The following TOGARAM1 variants were observed in gnomAD, a reference collection of about 807,000 sequenced individuals.
The protein encoded by TOGARAM1 is TOG array regulator of axonemal microtubules 1, also known as TOG array regulator of axonemal microtubules protein 1.
TOGARAM1 carries 100 observed loss-of-function variants against 166.6 expected under a neutral mutation model. The observed-to-expected ratio is 0.60, with a 90% CI of 0.51 to 0.71. The LOEUF (loss-of-function observed/expected upper bound fraction) is 0.71, where lower values mean the gene tolerates loss of function less well. TOGARAM1 is among the 30% of genes least tolerant of loss of function. The probability of loss-of-function intolerance (pLI) is 0.00; values close to 1 mark genes in which losing one functional copy is unlikely to be tolerated. For synonymous variants in TOGARAM1, 758 were observed against 763.8 expected (o/e 0.99, Z 0.13); for missense variants, 2,029 against 2,102.7 (o/e 0.96, Z 0.69).
Position 45,043,741 on chromosome 14 carries a change from G to A in TOGARAM1, c.3868G>A (p.Glu1290Lys), listed in dbSNP as rs1439816772. ...TAGATGCTTAGCTGCTTTTCATTCT[G>A]AGATACTGAACACAAAGTTGCATGA... ...FIRCLAAFHS[E>K]ILNTKLHETN... Residue 1290 changes from glutamate to lysine, a missense_variant, in exon 12 of 20, where the codon GAG becomes AAG. Around this residue, in one of 2 missense-constraint regions of TOGARAM1, gnomAD observed 576 missense variants for 670.5 expected, o/e 0.86. Coordinates refer to ENST00000361462, the MANE Select transcript of TOGARAM1 (RefSeq NM_001308120.2). 6.2e-7 allele frequency: 1 copy of A among 1,613,532 alleles called. No individual in the cohort carries two copies. Among genetic ancestry groups the A allele is most frequent in the Admixed American group, 1.7e-5 (1 of 59,990 alleles).
intron 1 of TOGARAM1, among the ~76,000 whole-genome samples, chr14:44,971,804 C>CT (rs1885899163): frequency 6.6e-6 from 1 of 152,098 alleles, no homozygotes; most frequent in Admixed American, 6.6e-5. Flanking sequence ...TTGTATGTAA[C>CT]TTAGAAGTGT....
chr14:45,005,892 C>G (rs1887928990), intron 4 of TOGARAM1, 116 bp from the exon 5 acceptor site: 2 of 777,644 alleles, frequency 2.6e-6, no homozygotes, highest in East Asian at 5.5e-5. Context: ...TCCCCAGTGA[C>G]CAGCTATAAT....
chr14:45,008,540 A>G (rs547906539), intron 5 of TOGARAM1, among the ~76,000 whole-genome samples: 1 of 152,312 alleles, frequency 6.6e-6, no homozygotes, highest in Non-Finnish European at 1.5e-5. Flanking sequence ...TCTAAGCCAC[A>G]TTAGCACACC....
intron 14 of TOGARAM1, among the ~76,000 whole-genome samples, chr14:45,051,870 C>T (rs1882386944): frequency 6.6e-6 from 1 of 151,992 alleles, no homozygotes; most frequent in East Asian, 1.9e-4. Context: ...ACAGATGCTT[C>T]TTAACTTACA....
intron 1 of TOGARAM1, among the ~76,000 whole-genome samples, chr14:44,974,148 T>C (rs1436320670): frequency 6.6e-6 from 1 of 151,994 alleles, no homozygotes; most frequent in Non-Finnish European, 1.5e-5. Flanking sequence ...ATTATACATA[T>C]GTTACACGTT....
chr14:45,032,661 A>G (rs1371060007), intron 11 of TOGARAM1, among the ~76,000 whole-genome samples: 2 of 152,212 alleles, frequency 1.3e-5, no homozygotes, highest in African/African-American at 2.4e-5. Flanking sequence ...ACCATTTCTC[A>G]AAGTATTTCT....
chr14:45,010,153 A>C (rs566990953), intron 6 of TOGARAM1, among the ~76,000 whole-genome samples: 1 of 152,100 alleles, frequency 6.6e-6, no homozygotes, highest in East Asian at 1.9e-4. Context: ...AGATTGCATA[A>C]TCAAAGGAGA....
At chr14:44,976,050 A>G (rs917149454) in intron 1 of TOGARAM1, among the ~76,000 whole-genome samples, 1 of 152,074 alleles carries the variant, frequency 6.6e-6, no homozygotes, top group Admixed American at 6.6e-5. Flanking sequence ...AACTATACTG[A>G]TTTCAGAATT....
intron 14 of TOGARAM1, among the ~76,000 whole-genome samples, chr14:45,047,112 C>T (rs999709586): frequency 2.2e-4 from 33 of 152,196 alleles, no homozygotes; most frequent in South Asian, 6.2e-4. Flanking sequence ...AGGAATAAGG[C>T]GGGTCGTGGT....
chr14:45,059,021 T>C (rs1323480236), intron 16 of TOGARAM1, among the ~76,000 whole-genome samples: 1 of 152,198 alleles, frequency 6.6e-6, no homozygotes, highest in Non-Finnish European at 1.5e-5. Context: ...GATGACAAAG[T>C]CTATTAACAT....
chr14:44,962,602 C>T lies in TOGARAM1; in HGVS notation c.181C>T (p.Pro61Ser). ...AGCTGCGGGGGACCACGGTTCCTGC[C>T]CCACTACAACTTCGCCTCTGGCCTC... ...RGAAGDHGSC[P>S]TTTSPLASAL... Residue 61 changes from proline to serine, a missense_variant, in exon 1 of 20, where the codon CCC (proline) becomes TCC (serine). Coordinates refer to ENST00000361462, the MANE Select transcript of TOGARAM1 (RefSeq NM_001308120.2). The T allele has an allele frequency of 6.2e-7, 1 of 1,613,588 alleles. No individual in the cohort carries two copies. The highest frequency in any genetic ancestry group is 1.1e-5 in the South Asian group (1 of 91,026).
intron 7 of TOGARAM1, among the ~76,000 whole-genome samples, chr14:45,025,282 G>T (rs1233911062): frequency 6.6e-6 from 1 of 152,040 alleles, no homozygotes; most frequent in African/African-American, 2.4e-5. Context: ...AGGAAAGGAA[G>T]GGGCCAGGCA....
Position 45,062,311 on chromosome 14 carries a change from A to G in TOGARAM1, c.4560-4267A>G, listed in dbSNP as rs563124141. 7.9e-5 allele frequency among the ~76,000 whole-genome samples: 12 copies of G among 152,176 alleles called. No individual in the cohort carries two copies. The East Asian group carries it at 2.3e-3, about 29-fold the overall frequency. ...TTTTGATCCACTGTGATTACGTTTA[A>G]ATACATTGAGGATAGTTGTGATTTC... On this transcript the variant is annotated intron_variant, in intron 16 of 19. Transcript: ENST00000361462.
intron 18 of TOGARAM1, among the ~76,000 whole-genome samples, chr14:45,069,184 T>G (rs1340031539): frequency 4.0e-5 from 6 of 151,812 alleles, no homozygotes; most frequent in Admixed American, 1.3e-4. Context: ...TCCTGGCTAA[T>G]ATAGTGAAAC....
At chr14:45,067,022 C>G (rs1171544344) in intron 17 of TOGARAM1, among the ~76,000 whole-genome samples, 2 of 152,218 alleles carry the variant, frequency 1.3e-5, no homozygotes, top group East Asian at 1.9e-4. Flanking sequence ...TACCTTCTCT[C>G]TATATCTATA....
chr14:45,066,793 A>G (rs1883159523), intron 17 of TOGARAM1, 26 bp downstream of exon 17: 2 of 1,594,130 alleles, frequency 1.3e-6, no homozygotes, highest in East Asian at 4.5e-5. Flanking sequence ...AATTAATTTT[A>G]ATGTGGGTAT....
intron 3 of TOGARAM1, among the ~76,000 whole-genome samples, chr14:44,999,951 A>G (rs1887617036): frequency 6.6e-6 from 1 of 152,194 alleles, no homozygotes; most frequent in South Asian, 2.1e-4. Flanking sequence ...TTATTGTGCT[A>G]TACTGAGCAC....
Position 45,024,442 on chromosome 14 carries a change from A to G in TOGARAM1, c.3239-1341A>G, listed in dbSNP as rs530104937. Among the ~76,000 whole-genome samples, 14 of 144,542 alleles carry G rather than the reference A, an allele frequency of 9.7e-5. No homozygotes were observed. In the East Asian group the frequency reaches 2.7e-3, roughly 28 times the overall value. The allele number at this position is 144,542 out of a possible 152,430, so 94.8% of individuals were successfully genotyped here. ...ACAATATTTCTTTCAACATTTCTTT[A>G]AGAAAAATATAGTGTAAAACATAAA... is the stretch of plus-strand genomic sequence containing the variant. On this transcript the variant is annotated intron_variant, in intron 7 of 19. Coordinates refer to ENST00000361462, the MANE Select transcript of TOGARAM1 (RefSeq NM_001308120.2).
intron 3 of TOGARAM1, among the ~76,000 whole-genome samples, chr14:45,001,650 G>A (rs57818319): frequency 0.048 from 7,318 of 152,212 alleles, 578 homozygotes; most frequent in African/African-American, 0.17. Context: ...TATATGAAAA[G>A]CTCAACATCA....
Sources: gnomAD v4.1 joint callset for allele counts (sites outside exome capture counted in the v4.1 genomes callset) on GRCh38, gnomAD v4.1.1 for gene constraint, gnomAD v4.1.1 regional missense constraint, MANE v1.5 for transcripts, NCBI Gene and HGNC (gene_info 2026-07-23, HGNC 2026-07-21) for gene names.